TGFBRAP1: variants seen among roughly 807,000 people sequenced by gnomAD.
TGFBRAP1 encodes the protein transforming growth factor beta receptor associated protein 1.
In TGFBRAP1, 20 loss-of-function variants were observed where a neutral mutation model predicts 83.2. The observed-to-expected ratio is 0.24, with a 90% CI of 0.17 to 0.35. The LOEUF is 0.35. Ranked by LOEUF, TGFBRAP1 falls within the 10% of genes least tolerant of loss-of-function variation. The probability of loss-of-function intolerance (pLI) is 1.00; values close to 1 mark genes in which losing one functional copy is unlikely to be tolerated. For synonymous variants in TGFBRAP1, 415 were observed against 459.8 expected (o/e 0.90, Z 1.25); for missense variants, 950 against 1,099.4 (o/e 0.86, Z 1.92).
intron 4 of TGFBRAP1, among the ~76,000 whole-genome samples, chr2:105,290,126 G>C (rs1008084052): frequency 6.6e-6 from 1 of 152,198 alleles, no homozygotes; most frequent in African/African-American, 2.4e-5. Context: ...TGGTGCAGTG[G>C]CACAATCTTG....
At chr2:105,270,140 C>G (rs115989910) in intron 10 of TGFBRAP1, among the ~76,000 whole-genome samples, 120 of 152,240 alleles carry the variant, frequency 7.9e-4, no homozygotes, top group African/African-American at 2.8e-3. Flanking sequence ...CTACTTCCCC[C>G]CAAAAGATGT....
At chr2:105,325,720 T>C (rs936149890) in intron 1 of TGFBRAP1, among the ~76,000 whole-genome samples, 6 of 152,120 alleles carry the variant, frequency 3.9e-5, no homozygotes, top group Non-Finnish European at 8.8e-5. Flanking sequence ...TCTACTAACA[T>C]AGTAATCTAC....
At chr2:105,322,540 C>T (rs1679097932) in intron 1 of TGFBRAP1, among the ~76,000 whole-genome samples, 1 of 152,140 alleles carries the variant, frequency 6.6e-6, no homozygotes, top group African/African-American at 2.4e-5. Flanking sequence ...GTATTTTATA[C>T]AGTATTTCTA....
intron 1 of TGFBRAP1, among the ~76,000 whole-genome samples, 182 bp downstream of exon 1, chr2:105,329,443 T>G (rs1679306561): frequency 6.8e-6 from 1 of 146,172 alleles, no homozygotes; most frequent in Admixed American, 6.8e-5. Context: ...CCCAAGTGTA[T>G]AGCCACTTGC....
chr2:105,323,140 A>G (rs1040153060), intron 1 of TGFBRAP1, among the ~76,000 whole-genome samples: 3 of 152,160 alleles, frequency 2.0e-5, no homozygotes, highest in Non-Finnish European at 4.4e-5. Context: ...TGAGAAGTTT[A>G]AGAGAGAAAG....
intron 1 of TGFBRAP1, among the ~76,000 whole-genome samples, chr2:105,320,745 T>C (rs1358123539): frequency 1.3e-5 from 2 of 152,204 alleles, no homozygotes; most frequent in East Asian, 1.9e-4. Flanking sequence ...CAGTTCGGAA[T>C]TGCTGCTGAG....
At chr2:105,264,162 T>A (rs376951574), downstream of TGFBRAP1, among the ~76,000 whole-genome samples, 1 of 152,276 alleles carries the variant, frequency 6.6e-6, no homozygotes, top group East Asian at 1.9e-4. Context: ...GTAAAGTAGA[T>A]AAGAAGTAAT....
chr2:105,317,132 T>C (rs1207581751), intron 1 of TGFBRAP1, among the ~76,000 whole-genome samples: 1 of 150,066 alleles, frequency 6.7e-6, no homozygotes, highest in African/African-American at 2.5e-5. Flanking sequence ...TAGATGTCCA[T>C]AGAAAATATA....
intron 1 of TGFBRAP1, among the ~76,000 whole-genome samples, chr2:105,314,732 T>C (rs1434745413): frequency 1.3e-5 from 2 of 151,816 alleles, no homozygotes; most frequent in African/African-American, 2.4e-5. Context: ...GTGGATCACC[T>C]GAGGTCAGGA....
chr2:105,296,552 C>T lies in TGFBRAP1; in HGVS notation c.884-42G>A. On this transcript the variant is annotated intron_variant, in intron 3 of 11. Coordinates refer to ENST00000393359, the MANE Select transcript of TGFBRAP1 (RefSeq NM_004257.6). ...CATTGTTGGAAAGAGAAAAAACACA[C>T]TGCCTGCAAAAAAACACACTGCTTT... 1.9e-6 allele frequency: 3 copies of T among 1,580,686 alleles called. No individual in the cohort carries two copies. In the African/African-American group the frequency reaches 4.1e-5, roughly 22 times the overall value.
At chr2:105,284,793 G>A (rs1026055012) in intron 4 of TGFBRAP1, among the ~76,000 whole-genome samples, 5 of 152,130 alleles carry the variant, frequency 3.3e-5, no homozygotes, top group Non-Finnish European at 5.9e-5. Context: ...GCACAGGGCC[G>A]ACTCATTTCA....
intron 1 of TGFBRAP1, among the ~76,000 whole-genome samples, chr2:105,321,126 T>C (rs1679046677): frequency 6.6e-6 from 1 of 152,150 alleles, no homozygotes; most frequent in South Asian, 2.1e-4. Context: ...CTTCCTACAA[T>C]TTACAGTTTT....
chr2:105,279,563 G>C (rs1677458645), intron 6 of TGFBRAP1, among the ~76,000 whole-genome samples: 1 of 149,370 alleles, frequency 6.7e-6, no homozygotes, highest in African/African-American at 2.4e-5. Context: ...GTCCAGCCAA[G>C]GAAGGCAGAG....
chr2:105,253,841 G>A, the TGFBRAP1 span, among the ~76,000 whole-genome samples: 5 of 152,138 alleles, frequency 3.3e-5, no homozygotes, highest in East Asian at 3.8e-4. Context: ...TTATTGGAGG[G>A]TTTTTAAAAC....
At chr2:105,268,130 GT>G (rs1313263167) in intron 11 of TGFBRAP1, among the ~76,000 whole-genome samples, 3 of 152,148 alleles carry the variant, frequency 2.0e-5, no homozygotes, top group Non-Finnish European at 4.4e-5. Context: ...AAGTTATAAA[GT>G]TTTTCTACAC....
At chr2:105,307,161 A>T (rs565431123) in intron 2 of TGFBRAP1, among the ~76,000 whole-genome samples, 1 of 151,538 alleles carries the variant, frequency 6.6e-6, no homozygotes, top group African/African-American at 2.4e-5. Context: ...TAAAAACCCG[A>T]TGCAGAACTC....
At chr2:105,316,040 A>G (rs1678843509) in intron 1 of TGFBRAP1, among the ~76,000 whole-genome samples, 1 of 152,230 alleles carries the variant, frequency 6.6e-6, no homozygotes, top group African/African-American at 2.4e-5. Context: ...GACAAAGGCA[A>G]CAAATAGATG....
In TGFBRAP1 at chr2:105,267,021, G is replaced by A; in HGVS notation, c.*362C>T. ...CATGAGTCTAAAGGTTGGAGTGTGGGGGTGGTGGGGGATCCCCCACCTGGG... is the reference window on the plus strand; with the variant it reads ...CATGAGTCTAAAGGTTGGAGTGTGGAGGTGGTGGGGGATCCCCCACCTGGG... On this transcript the variant is annotated 3_prime_UTR_variant, in exon 12 of 12. Coordinates refer to ENST00000393359, the MANE Select transcript of TGFBRAP1 (RefSeq NM_004257.6). 5.1e-6 allele frequency: 1 copy of A among 197,232 alleles called. No homozygotes were observed. Among genetic ancestry groups the A allele is most frequent in the Non-Finnish European group, 1.0e-5 (1 of 96,366 alleles). 12.2% of individuals were successfully genotyped at this position (197,232 alleles called of 1,614,324 possible). A position where few individuals can be genotyped will look rare whatever the true frequency, so the allele number is the denominator to read the frequency against.
chr2:105,275,721 A>G lies in TGFBRAP1; in HGVS notation c.1522-18T>C. On this transcript the variant is annotated intron_variant, in intron 7 of 11. Transcript: ENST00000393359. ...ACCCACAACTGGAAAGGAATCAAAA[A>G]GAAAAAAAGAAAAAGAAAAGAAAAA... 6.3e-7 allele frequency: 1 copy of G among 1,588,032 alleles called. No homozygotes were observed. The highest frequency in any genetic ancestry group is 8.5e-7 in the Non-Finnish European group (1 of 1,170,634).
Sources: gnomAD v4.1 joint callset for allele counts (sites outside exome capture counted in the v4.1 genomes callset) on GRCh38, gnomAD v4.1.1 for gene constraint, MANE v1.5 for transcripts, NCBI Gene and HGNC (gene_info 2026-07-23, HGNC 2026-07-21) for gene names.